The following SETD7 variants were observed in gnomAD, a reference collection of about 807,000 sequenced individuals.
SETD7 encodes the protein histone-lysine N-methyltransferase SETD7.
In SETD7, 16 loss-of-function variants were observed where a neutral mutation model predicts 41.8. That is an observed-to-expected ratio of 0.38 (90% confidence interval 0.26 to 0.58). The LOEUF is 0.58. Ranked by LOEUF, SETD7 falls within the 20% of genes least tolerant of loss-of-function variation. The pLI, the probability that SETD7 is intolerant of heterozygous loss-of-function variation, is 0.64. For missense variants in SETD7, 346 were observed against 459.7 expected (o/e 0.75, Z 2.26); for synonymous variants, 163 against 169.7 (o/e 0.96, Z 0.31).
intron 6 of SETD7, among the ~76,000 whole-genome samples, chr4:139,518,699 A>G (rs1727099754): frequency 6.6e-6 from 1 of 152,376 alleles, no homozygotes. Context: ...AAATGGAACC[A>G]GAAATGTAAG....
downstream of SETD7, among the ~76,000 whole-genome samples, chr4:139,501,629 A>T (rs916346102): frequency 6.6e-6 from 1 of 152,146 alleles, no homozygotes; most frequent in Admixed American, 6.5e-5. Flanking sequence ...CAAATAAATA[A>T]ATAAATAAAT....
At chr4:139,494,566 G>C (rs1726418655), downstream of SETD7, among the ~76,000 whole-genome samples, 2 of 152,232 alleles carry the variant, frequency 1.3e-5, no homozygotes, top group Non-Finnish European at 2.9e-5. Flanking sequence ...ATGATAAAGT[G>C]TAGAGCATGT....
rs771089942 is a variant in SETD7, at chr4:139,517,840, G to A, written c.920+45C>T. The A allele has an allele frequency of 5.7e-6, 9 of 1,577,914 alleles. No homozygotes were observed. In the African/African-American group the frequency reaches 1.2e-4, roughly 21 times the overall value. ...TTTTACTGCCCTCCTCCGTCTCAGGGCCCTGAGGCATAGATCCGCCCCAGC... is the reference window on the plus strand; with the variant it reads ...TTTTACTGCCCTCCTCCGTCTCAGGACCCTGAGGCATAGATCCGCCCCAGC... On this transcript the variant is annotated intron_variant, in intron 7 of 7. Transcript: ENST00000274031.
chr4:139,525,049 T>A (rs1409045561), intron 4 of SETD7, among the ~76,000 whole-genome samples: 1 of 152,192 alleles, frequency 6.6e-6, no homozygotes, highest in Non-Finnish European at 1.5e-5. Context: ...ACTCCTGACC[T>A]CTAGTGATCC....
rs1171065276 is a variant in SETD7 at position 139,529,029 on chromosome 4, A to G, written c.562+2T>C. ...AACCCATCTGAAGCAGATTCAACTT[A>G]CTTCCAGGCATCAGTTCAAAGTGAG... is the stretch of plus-strand genomic sequence containing the variant. On this transcript the variant is annotated splice_donor_variant, in intron 4 of 7. Coordinates refer to ENST00000274031, the MANE Select transcript of SETD7 (RefSeq NM_030648.4). LOFTEE classifies it high-confidence loss of function. The G allele has an allele frequency of 6.2e-7, 1 of 1,613,148 alleles. No homozygotes were observed. The highest frequency in any genetic ancestry group is 8.5e-7 in the Non-Finnish European group (1 of 1,179,660).
At chr4:139,545,074 A>G (rs1311682703) in intron 2 of SETD7, among the ~76,000 whole-genome samples, 1 of 152,204 alleles carries the variant, frequency 6.6e-6, no homozygotes, top group Non-Finnish European at 1.5e-5. Flanking sequence ...ATAAGGTTAA[A>G]AGTGACACTT....
chr4:139,546,831 A>G, intron 2 of SETD7, 89 bp downstream of exon 2: 3 of 1,568,076 alleles, frequency 1.9e-6, no homozygotes, highest in Non-Finnish European at 2.6e-6. Flanking sequence ...TTGTAGAAAA[A>G]CTTCCACTTG....
rs1726750090 is a variant in SETD7, at chr4:139,507,800, C to T, written c.*3863G>A. On this transcript the variant is annotated 3_prime_UTR_variant, in exon 8 of 8. Transcript: ENST00000274031. ...AAAACAATAATAATCTATCAAGGTACCCCAAGTAGATGTAAATTTGATATA... is the reference window on the plus strand; with the variant it reads ...AAAACAATAATAATCTATCAAGGTATCCCAAGTAGATGTAAATTTGATATA... 1 of 152,426 alleles carries T rather than the reference C, an allele frequency of 6.6e-6. No individual in the cohort carries two copies. The highest frequency in any genetic ancestry group is 2.4e-5 in the African/African-American group (1 of 41,428). 9.4% of individuals were successfully genotyped at this position (152,426 alleles called of 1,614,324 possible). A position where few individuals can be genotyped will look rare whatever the true frequency, so the allele number is the denominator to read the frequency against.
At chr4:139,519,550 C>T (rs1243137836) in intron 6 of SETD7, among the ~76,000 whole-genome samples, 3 of 152,230 alleles carry the variant, frequency 2.0e-5, no homozygotes, top group African/African-American at 4.8e-5. Context: ...TGTGCAACTG[C>T]TTTGAAAGTG....
intron 7 of SETD7, among the ~76,000 whole-genome samples, chr4:139,516,481 A>C (rs139459329): frequency 0.021 from 3,186 of 151,504 alleles, 72 homozygotes; most frequent in South Asian, 0.04. Flanking sequence ...AAAAAAAAAA[A>C]AAAAAACAAT....
At chr4:139,542,291 TAC>T (rs1727801297) in intron 2 of SETD7, among the ~76,000 whole-genome samples, 1 of 152,118 alleles carries the variant, frequency 6.6e-6, no homozygotes, top group African/African-American at 2.4e-5. Flanking sequence ...GGTACAAAGT[TAC>T]AGTTAGATAG....
intron 2 of SETD7, among the ~76,000 whole-genome samples, chr4:139,534,990 G>A (rs1488727797): frequency 6.6e-6 from 1 of 152,078 alleles, no homozygotes; most frequent in African/African-American, 2.4e-5. Context: ...AGTTTTATTT[G>A]TACTATCAAT....
downstream of SETD7, among the ~76,000 whole-genome samples, chr4:139,494,841 A>G (rs1249794446): frequency 6.6e-6 from 1 of 152,270 alleles, no homozygotes; most frequent in African/African-American, 2.4e-5. Context: ...GAGTTTATAA[A>G]GAGCTTGGTT....
intron 7 of SETD7, among the ~76,000 whole-genome samples, chr4:139,516,672 T>TA (rs199891236): frequency 2.4e-3 from 368 of 150,796 alleles, no homozygotes; most frequent in African/African-American, 7.3e-3. Context: ...TTTGATTTTT[T>TA]AAAAAAAAAC....
chr4:139,536,114 C>T (rs114234980), intron 2 of SETD7, among the ~76,000 whole-genome samples: 1,952 of 152,182 alleles, frequency 0.013, 37 homozygotes, highest in African/African-American at 0.045. Context: ...CAGCAGAGAC[C>T]GTATGTGGCC....
At chr4:139,500,210 T>A (rs1298674390) in intron 7 of SETD7, among the ~76,000 whole-genome samples, 1 of 152,148 alleles carries the variant, frequency 6.6e-6, no homozygotes, top group Non-Finnish European at 1.5e-5. Context: ...TAATGCCATA[T>A]CTCAGCACAT....
At position 139,555,602 on chromosome 4, in the gene SETD7, G is replaced by C. The variant is rs1728244281; in HGVS notation, c.40+496C>G. ...GGTCTGGCCCCGTGCGCTGCGCCGG[G>C]GGACCTACCCGGACGGGGCCGCGGC... On this transcript the variant is annotated intron_variant, in intron 1 of 7. Transcript: ENST00000274031. The surrounding 1 kb of genome is among the most constrained non-coding windows in gnomAD (Gnocchi z 4.0). 1.3e-5 allele frequency among the ~76,000 whole-genome samples: 2 copies of C among 152,070 alleles called. No homozygotes were observed. Among genetic ancestry groups the C allele is most frequent in the Admixed American group, 1.3e-4 (2 of 15,274 alleles).
chr4:139,497,508 T>C (rs1014911023), intron 7 of SETD7, among the ~76,000 whole-genome samples: 1 of 151,712 alleles, frequency 6.6e-6, no homozygotes, highest in Non-Finnish European at 1.5e-5. Flanking sequence ...CTGGAAGTGG[T>C]GTCTTAATTT....
chr4:139,518,539 A>C (rs112266267), intron 6 of SETD7, among the ~76,000 whole-genome samples: 8 of 152,208 alleles, frequency 5.3e-5, no homozygotes, highest in African/African-American at 1.9e-4. Context: ...AGGCAGCTCG[A>C]CTTAACTATT....
Sources: allele counts gnomAD v4.1 joint callset (sites outside exome capture counted in the v4.1 genomes callset), GRCh38; gene constraint gnomAD v4.1.1; non-coding constraint Gnocchi (gnomAD v3.1); transcripts MANE v1.5; gene names NCBI Gene and HGNC (gene_info 2026-07-23, HGNC 2026-07-21).